ELOVL2: variants seen among roughly 807,000 people sequenced by gnomAD.
The protein encoded by ELOVL2 is very long chain fatty acid elongase 2.
A neutral mutation model predicts 37.7 loss-of-function variants in ELOVL2; 38 were observed. The observed-to-expected ratio is 1.01, with a 90% confidence interval of 0.78 to 1.32. The LOEUF is 1.32. Ranked by LOEUF, ELOVL2 falls within the 40% of genes most tolerant of loss-of-function variation. The pLI, the probability that ELOVL2 is intolerant of heterozygous loss-of-function variation, is 0.00. For synonymous variants in ELOVL2, 115 were observed against 122.3 expected, an observed-to-expected ratio of 0.94 and a Z score of 0.40; for missense variants, 352 against 363.6, an observed-to-expected ratio of 0.97 and a Z score of 0.26.
intron 1 of ELOVL2, among the ~76,000 whole-genome samples, chr6:11,035,020 TAAATA>T (rs1782985767): frequency 6.6e-6 from 1 of 152,082 alleles, no homozygotes; most frequent in South Asian, 2.1e-4. Flanking sequence ...AATAAATAAA[TAAATA>T]AAATAATAAT....
chr6:10,994,632 A>G (rs1164678658), intron 5 of ELOVL2, among the ~76,000 whole-genome samples: 1 of 152,180 alleles, frequency 6.6e-6, no homozygotes, highest in Non-Finnish European at 1.5e-5. Flanking sequence ...TAAAAGCTGA[A>G]ATGCCTCGCC....
At chr6:11,034,049 G>A (rs914817499) in intron 1 of ELOVL2, among the ~76,000 whole-genome samples, 1 of 152,172 alleles carries the variant, frequency 6.6e-6, no homozygotes, top group Non-Finnish European at 1.5e-5. Context: ...TTAGTAAGAA[G>A]TGGAGTAGGG....
intron 1 of ELOVL2, among the ~76,000 whole-genome samples, chr6:11,024,425 TTAAG>T (rs1782811357): frequency 6.6e-6 from 1 of 152,230 alleles, no homozygotes; most frequent in African/African-American, 2.4e-5. Context: ...GAAATGTTCC[TTAAG>T]TAAATATAAT....
At chr6:11,043,522 C>T (rs1008669123) in intron 1 of ELOVL2, 2 of 140,776 alleles carry the variant, frequency 1.4e-5, no homozygotes, top group East Asian at 4.5e-4. Flanking sequence ...CGTTACTAAT[C>T]CAGAGTGGAG....
chr6:11,015,306 A>G (rs1408889993), intron 1 of ELOVL2, among the ~76,000 whole-genome samples: 1 of 152,228 alleles, frequency 6.6e-6, no homozygotes, highest in Admixed American at 6.5e-5. Context: ...ACTACATAGT[A>G]TGCTAAAGAT....
At chr6:10,991,635 GAAAC>G (rs948905393) in intron 5 of ELOVL2, among the ~76,000 whole-genome samples, 109 of 152,220 alleles carry the variant, frequency 7.2e-4, no homozygotes, top group African/African-American at 2.5e-3. Context: ...TAATAAATAA[GAAAC>G]AAAAGGTACA....
chr6:11,002,012 C>A (rs941392220), intron 3 of ELOVL2, among the ~76,000 whole-genome samples: 2 of 152,196 alleles, frequency 1.3e-5, no homozygotes, highest in African/African-American at 4.8e-5. Flanking sequence ...TGCCAACTCA[C>A]CCTCATGGTC....
intron 3 of ELOVL2, among the ~76,000 whole-genome samples, chr6:11,002,262 A>C (rs1782401303): frequency 6.6e-6 from 1 of 152,032 alleles, no homozygotes; most frequent in African/African-American, 2.4e-5. Context: ...CCAGCCTCTC[A>C]CTCTTTCTTA....
In ELOVL2 at chr6:10,983,544, A is replaced by G; in HGVS notation, c.*237T>C. On this transcript the variant is annotated 3_prime_UTR_variant, in exon 8 of 8. Transcript: ENST00000354666. Reference sequence around the variant, plus strand: ...AAGGTTCAGTCTGTGGGAGGGAGGGAGAGAGAAGCTGCACCAGTTCTGAGG... The same window carrying G: ...AAGGTTCAGTCTGTGGGAGGGAGGGGGAGAGAAGCTGCACCAGTTCTGAGG... 1 of 345,932 alleles carries G rather than the reference A, an allele frequency of 2.9e-6. No individual in the cohort carries two copies. The highest frequency in any genetic ancestry group is 7.2e-5 in the South Asian group (1 of 13,874). 21.4% of individuals were successfully genotyped at this position (345,932 alleles called of 1,614,324 possible).
chr6:11,025,595 A>G (rs1005252595), intron 1 of ELOVL2, among the ~76,000 whole-genome samples: 12 of 152,240 alleles, frequency 7.9e-5, no homozygotes, highest in East Asian at 1.9e-4. Context: ...TGAAACAATT[A>G]TAAGTGTATC....
chr6:11,009,604 A>T (rs1159452905), intron 2 of ELOVL2, among the ~76,000 whole-genome samples: 1 of 152,196 alleles, frequency 6.6e-6, no homozygotes, highest in African/African-American at 2.4e-5. Flanking sequence ...GATCCTAGGA[A>T]GGAATTCCAG....
chr6:11,002,782 C>A (rs74476007), intron 3 of ELOVL2, among the ~76,000 whole-genome samples: 2,512 of 152,348 alleles, frequency 0.016, 64 homozygotes, highest in African/African-American at 0.057. Context: ...CCAACTCCTA[C>A]CCTGTACTAG....
chr6:11,011,937 C>T (rs998789947), intron 1 of ELOVL2, among the ~76,000 whole-genome samples: 1 of 152,176 alleles, frequency 6.6e-6, no homozygotes, highest in Non-Finnish European at 1.5e-5. Context: ...TGTGTGTGAG[C>T]TGAGCATGAC....
At chr6:11,042,212 C>T (rs1783108505) in intron 1 of ELOVL2, among the ~76,000 whole-genome samples, 1 of 152,102 alleles carries the variant, frequency 6.6e-6, no homozygotes, top group Admixed American at 6.6e-5. Context: ...ACTCAGGAGG[C>T]TGAGGCACGA....
intron 1 of ELOVL2, chr6:11,015,609 T>C (rs1782670849): frequency 1.3e-5 from 2 of 152,378 alleles, no homozygotes; most frequent in Non-Finnish European, 2.9e-5. Context: ...TAGGGATCCA[T>C]GTAAGGCAGT....
In ELOVL2 at chr6:10,982,358, T is replaced by C. The variant is rs185361944; in HGVS notation, c.*1423A>G. 55 of 152,254 alleles carry C rather than the reference T, an allele frequency of 3.6e-4. No homozygotes were observed. The highest frequency in any genetic ancestry group is 1.3e-3 in the African/African-American group (54 of 41,552). 9.4% of individuals were successfully genotyped at this position (152,254 alleles called of 1,614,324 possible). A position where few individuals can be genotyped will look rare whatever the true frequency, so the allele number is the denominator to read the frequency against. On this transcript the variant is annotated 3_prime_UTR_variant, in exon 8 of 8. Coordinates refer to ENST00000354666, the MANE Select transcript of ELOVL2 (RefSeq NM_017770.4). ...GTGGGGACGGTGGTGGAAATGCCTTTCTGGTGTGCATGTATTTGATGTCAG... is the reference window on the plus strand; with the variant it reads ...GTGGGGACGGTGGTGGAAATGCCTTCCTGGTGTGCATGTATTTGATGTCAG...
intron 4 of ELOVL2, among the ~76,000 whole-genome samples, chr6:10,998,434 C>G (rs1175949206): frequency 6.6e-6 from 1 of 152,172 alleles, no homozygotes; most frequent in Non-Finnish European, 1.5e-5. Flanking sequence ...TTAATTCTTT[C>G]CCTCTAATTT....
intron 1 of ELOVL2, among the ~76,000 whole-genome samples, chr6:11,036,975 T>G (rs1783015479): frequency 2.8e-5 from 4 of 141,730 alleles, no homozygotes; most frequent in South Asian, 2.3e-4. Flanking sequence ...GGAAGAGAGA[T>G]GGGGAGAGAG....
rs745607092 is a variant in ELOVL2 at position 10,990,388 on chromosome 6, T to C, written c.560A>G (p.Tyr187Cys). Residue 187 changes from tyrosine to cysteine, a missense_variant, in exon 6 of 8, where the codon TAT becomes TGT. By Grantham distance (194) the Tyr-to-Cys change is radical. Coordinates refer to ENST00000354666, the MANE Select transcript of ELOVL2 (RefSeq NM_017770.4). ...CATAGATGGAAACACAGAAAGTCCA[T>C]AGTAGGAGTACATAAGAATGTGGAT... ...SFIHILMYSY[Y>C]GLSVFPSMHK... The C allele has an allele frequency of 8.1e-6, 13 of 1,612,248 alleles. No homozygotes were observed. The highest frequency in any genetic ancestry group is 2.2e-5 in the East Asian group (1 of 44,806).
Sources: gnomAD v4.1 joint callset for allele counts (sites outside exome capture counted in the v4.1 genomes callset) on GRCh38, gnomAD v4.1.1 for gene constraint, MANE v1.5 for transcripts, NCBI Gene and HGNC (gene_info 2026-07-23, HGNC 2026-07-21) for gene names.